Variants in TNS3 observed in about 807,000 individuals in gnomAD.
TNS3 encodes tensin 3.
TNS3 carries 45 observed loss-of-function variants against 140.9 expected under a neutral mutation model. The observed-to-expected ratio is 0.32, with a 90% CI of 0.25 to 0.41. The LOEUF is 0.41. Among genes scored for constraint, TNS3 ranks in the 10% least tolerant of loss-of-function variants. TNS3 has a pLI of 1.00. For synonymous variants in TNS3, 815 were observed against 788.4 expected, an observed-to-expected ratio of 1.03 and a Z score of -0.56; for missense variants, 1,716 against 1,906.7, an observed-to-expected ratio of 0.90 and a Z score of 1.86.
intron 4 of TNS3, among the ~76,000 whole-genome samples, chr7:47,458,571 C>T (rs1341752109): frequency 2.0e-5 from 3 of 152,208 alleles, no homozygotes; most frequent in Non-Finnish European, 4.4e-5. Context: ...AATCAGTCTG[C>T]GCTGGGATGA....
chr7:47,402,095 C>G (rs1311079247), intron 13 of TNS3, among the ~76,000 whole-genome samples: 2 of 152,178 alleles, frequency 1.3e-5, no homozygotes, highest in Non-Finnish European at 2.9e-5. Context: ...CAGGGAGGGT[C>G]TTCCCTAACC....
intron 3 of TNS3, among the ~76,000 whole-genome samples, chr7:47,486,921 C>A (rs1004849472): frequency 6.6e-6 from 1 of 152,160 alleles, no homozygotes; most frequent in South Asian, 2.1e-4. Flanking sequence ...AATTTCAATT[C>A]TATCTTTTCC....
chr7:47,419,037 C>G (rs1794231652), intron 10 of TNS3, among the ~76,000 whole-genome samples: 2 of 152,252 alleles, frequency 1.3e-5, no homozygotes, highest in Non-Finnish European at 2.9e-5. Flanking sequence ...TTGGTGTCAG[C>G]CAAGCCTGGG....
intron 16 of TNS3, among the ~76,000 whole-genome samples, chr7:47,389,062 AGAAGAAGAAGAAGAAGAAGAAGAG>A (rs1334835278): frequency 3.6e-5 from 2 of 55,332 alleles, no homozygotes; most frequent in African/African-American, 1.4e-4. Context: ...AAGAAGAAGA[AGAAGAAGAAGAAGAAGAAGAAGAG>A]GAAGAGGAAG....
At chr7:47,411,592 C>G in intron 13 of TNS3, 135 bp downstream of exon 13, 1 of 902,452 alleles carries the variant, frequency 1.1e-6, no homozygotes, top group South Asian at 1.9e-5. Flanking sequence ...AAGGTAAAAG[C>G]TACTTTTCCT....
chr7:47,294,791 G>A (rs76346954), intron 24 of TNS3, among the ~76,000 whole-genome samples: 33,571 of 152,236 alleles, frequency 0.22, 4,315 homozygotes, highest in East Asian at 0.52. Context: ...AAAAGGCTGT[G>A]TTGAATTAAA....
chr7:47,436,466 C>CAAATA (rs1795186370), intron 7 of TNS3, among the ~76,000 whole-genome samples: 2 of 152,018 alleles, frequency 1.3e-5, no homozygotes, highest in South Asian at 4.2e-4. Context: ...AGCATTAGGA[C>CAAATA]AAATACTTAA....
chr7:47,389,532 G>A (rs1258265989), intron 16 of TNS3, among the ~76,000 whole-genome samples: 1 of 152,166 alleles, frequency 6.6e-6, no homozygotes, highest in Non-Finnish European at 1.5e-5. Flanking sequence ...TGTCGGATTC[G>A]AAAAGTAACG....
At chr7:47,441,741 C>T (rs1007721238) in intron 5 of TNS3, among the ~76,000 whole-genome samples, 8 of 152,342 alleles carry the variant, frequency 5.3e-5, no homozygotes, top group Admixed American at 4.6e-4. Context: ...AAAAGTGACA[C>T]TTGCACAATC....
At chr7:47,464,337 T>A (rs1225435615) in intron 4 of TNS3, among the ~76,000 whole-genome samples, 1 of 152,082 alleles carries the variant, frequency 6.6e-6, no homozygotes, top group East Asian at 1.9e-4. Flanking sequence ...CTGCCCGGGA[T>A]GGAAAGAAGA....
rs1790833779 is a variant in TNS3, at chr7:47,368,419, T to C, written c.2227A>G (p.Ser743Gly). Residue 743 changes from serine to glycine, a missense_variant, in exon 17 of 31, where the codon AGC becomes GGC. By Grantham distance (56) the Ser-to-Gly change is moderately conservative. Coordinates refer to ENST00000311160, the MANE Select transcript of TNS3 (RefSeq NM_022748.12). The stretch of plus-strand genomic sequence containing the variant: ...TCTCCTGTGTCAGGCAGCCTGCTGC[T>C]TGCCCGGAGCCCACCTCCCACGCTG... ...PDSVGGGLRASSRLPDTGEGP... is the reference protein window; with the variant it reads ...PDSVGGGLRAGSRLPDTGEGP... 6.6e-7 allele frequency: 1 copy of C among 1,523,780 alleles called. No individual in the cohort carries two copies. The highest frequency in any genetic ancestry group is 8.8e-7 in the Non-Finnish European group (1 of 1,132,488). 94.4% of individuals were successfully genotyped at this position (1,523,780 alleles called of 1,614,324 possible). A position where few individuals can be genotyped will look rare whatever the true frequency, so the allele number is the denominator to read the frequency against.
At chr7:47,352,729 TCTCA>T (rs1229848495) in intron 17 of TNS3, among the ~76,000 whole-genome samples, 2 of 152,074 alleles carry the variant, frequency 1.3e-5, no homozygotes, top group African/African-American at 4.8e-5. Context: ...GGCACCCTCT[TCTCA>T]CTGAGAGCTG....
intron 22 of TNS3, 149 bp from the exon 23 acceptor site, chr7:47,302,421 G>A: frequency 1.5e-6 from 1 of 646,778 alleles, no homozygotes. Context: ...CCTTTGAAAT[G>A]ACTGAGTTGG....
chr7:47,511,636 C>A (rs1304182018), intron 2 of TNS3, among the ~76,000 whole-genome samples: 1 of 151,846 alleles, frequency 6.6e-6, no homozygotes, highest in African/African-American at 2.4e-5. Context: ...ATTCTCCTTG[C>A]CTGAGGCTCT....
chr7:47,280,580 C>T (rs1033067833), intron 28 of TNS3, among the ~76,000 whole-genome samples: 2 of 152,324 alleles, frequency 1.3e-5, no homozygotes, highest in African/African-American at 4.8e-5. Context: ...ACCACACAGG[C>T]TGAAACTGTC....
Position 47,355,824 on chromosome 7 carries a change from C to T in TNS3, c.2282-9468G>A, listed in dbSNP as rs117660814. ...TCTTGGAGACTGATCTTTGCCAGCG[C>T]ACGGCCTGGCAGATCCCAGGCCCTG... On this transcript the variant is annotated intron_variant, in intron 17 of 30. Coordinates refer to ENST00000311160, the MANE Select transcript of TNS3 (RefSeq NM_022748.12). Among the ~76,000 whole-genome samples, 24 of 152,240 alleles carry T rather than the reference C, an allele frequency of 1.6e-4. No homozygotes were observed. The East Asian group carries it at 4.6e-3, about 29-fold the overall frequency.
At chr7:47,446,369 G>A (rs766708649) in intron 4 of TNS3, among the ~76,000 whole-genome samples, 1 of 152,180 alleles carries the variant, frequency 6.6e-6, no homozygotes, top group Non-Finnish European at 1.5e-5. Context: ...GCCTTCCCAA[G>A]CTGTGGTTTC....
chr7:47,304,923 G>A lies in TNS3; in HGVS notation c.2731C>T (p.Arg911Trp), dbSNP rs751955631. Residue 911 changes from arginine (R) to tryptophan (W), a missense_variant, in exon 21 of 31, where the codon CGG becomes TGG. Arg to Trp is a moderately radical substitution (Grantham distance 101). Around this residue, in one of 3 missense-constraint regions of TNS3, gnomAD observed 1,163 missense variants for 1,182.1 expected, o/e 0.98. Coordinates refer to ENST00000311160, the MANE Select transcript of TNS3 (RefSeq NM_022748.12). ...GAGGGCGTCGAGGACGCATCAGCCC[G>A]GAGCATCGTGGATTTGGGTCCGATG... ...SPIGPKSTML[R>W]ADASSTPSFQ... The A allele has an allele frequency of 8.4e-6, 12 of 1,435,648 alleles. No individual in the cohort carries two copies. The highest frequency in any genetic ancestry group is 1.6e-5 in the South Asian group (1 of 63,354). 88.9% of individuals were successfully genotyped at this position (1,435,648 alleles called of 1,614,324 possible). A position where few individuals can be genotyped will look rare whatever the true frequency, so the allele number is the denominator to read the frequency against.
At chr7:47,400,350 C>A in intron 15 of TNS3, 43 bp downstream of exon 15, 1 of 1,556,200 alleles carries the variant, frequency 6.4e-7, no homozygotes, top group Non-Finnish European at 8.9e-7. Context: ...CACCTTTCAC[C>A]AGTGTCAGCA....
Sources: gnomAD v4.1 joint callset for allele counts (sites outside exome capture counted in the v4.1 genomes callset) on GRCh38, gnomAD v4.1.1 for gene constraint, gnomAD v4.1.1 regional missense constraint, MANE v1.5 for transcripts, NCBI Gene and HGNC (gene_info 2026-07-23, HGNC 2026-07-21) for gene names.